COL25A1: variants seen among roughly 807,000 people sequenced by gnomAD.
COL25A1 encodes collagen type XXV alpha 1 chain.
In COL25A1, 103 loss-of-function variants were observed where a neutral mutation model predicts 128.4. The observed-to-expected ratio is 0.80, with a 90% CI of 0.68 to 0.94. COL25A1 has a LOEUF of 0.94. Ranked by LOEUF, COL25A1 falls within the 40% of genes least tolerant of loss-of-function variation. The pLI is 0.00. For missense variants in COL25A1, 745 were observed against 840.0 expected, an observed-to-expected ratio of 0.89 and a Z score of 1.40; for synonymous variants, 279 against 277.2, an observed-to-expected ratio of 1.01 and a Z score of -0.06.
chr4:109,274,782 T>C (rs1237001491), intron 3 of COL25A1, among the ~76,000 whole-genome samples: 1 of 152,182 alleles, frequency 6.6e-6, no homozygotes, highest in Non-Finnish European at 1.5e-5. Context: ...CAATGGATAT[T>C]TAATAGCCTG....
intron 25 of COL25A1, 142 bp from the exon 26 acceptor site, chr4:108,852,422 T>G (rs1297818053): frequency 3.1e-6 from 2 of 636,754 alleles, no homozygotes; most frequent in African/African-American, 2.0e-5. Context: ...AGGAAAAATT[T>G]TACTAGTTAC....
At chr4:108,928,249 C>T (rs1383174122) in intron 11 of COL25A1, among the ~76,000 whole-genome samples, 1 of 152,190 alleles carries the variant, frequency 6.6e-6, no homozygotes, top group East Asian at 1.9e-4. Context: ...CTGAGAAACA[C>T]TGGCTGCTAG....
chr4:109,187,599 C>G (rs373706114), intron 3 of COL25A1, among the ~76,000 whole-genome samples: 1 of 152,138 alleles, frequency 6.6e-6, no homozygotes, highest in African/African-American at 2.4e-5. Flanking sequence ...TTCATACTTA[C>G]GTAGCATATT....
chr4:109,217,917 G>T (rs1398331022), intron 3 of COL25A1, among the ~76,000 whole-genome samples: 1 of 152,082 alleles, frequency 6.6e-6, no homozygotes, highest in Admixed American at 6.6e-5. Context: ...TCGAAACCAA[G>T]GATACTAAAC....
chr4:109,300,150 A>G (rs1578674413), intron 3 of COL25A1, among the ~76,000 whole-genome samples: 1 of 150,578 alleles, frequency 6.6e-6, no homozygotes, highest in East Asian at 2.0e-4. Context: ...GTTTACTAAC[A>G]TAAACGTATG....
At chr4:108,972,209 T>C (rs1341375275) in intron 8 of COL25A1, among the ~76,000 whole-genome samples, 1 of 152,010 alleles carries the variant, frequency 6.6e-6, no homozygotes, top group Non-Finnish European at 1.5e-5. Flanking sequence ...AAACAAATGG[T>C]AAAAAGCGTA....
chr4:108,964,287 CT>C (rs1364860951), intron 8 of COL25A1, among the ~76,000 whole-genome samples: 1 of 151,412 alleles, frequency 6.6e-6, no homozygotes, highest in African/African-American at 2.4e-5. Flanking sequence ...TGGATTTTGG[CT>C]TTGGTTTTGA....
chr4:108,876,391 A>C (rs1739459215), intron 19 of COL25A1, among the ~76,000 whole-genome samples: 1 of 152,114 alleles, frequency 6.6e-6, no homozygotes, highest in South Asian at 2.1e-4. Flanking sequence ...CCTCCTTTCC[A>C]CATTACCGTA....
At position 109,292,293 on chromosome 4, in the gene COL25A1, G is replaced by C. The variant is rs188052403; in HGVS notation, c.367+8290C>G. Among the ~76,000 whole-genome samples, 6 of 152,148 alleles carry C rather than the reference G, an allele frequency of 3.9e-5. No homozygotes were observed. The East Asian group carries it at 1.2e-3, about 29-fold the overall frequency. On this transcript the variant is annotated intron_variant, in intron 3 of 37. Coordinates refer to ENST00000399132, the MANE Select transcript of COL25A1 (RefSeq NM_198721.4). ...TTTAAAAAAGGTTCAGCCTTTTAAAGAAATGTTATAAAATCCCTGTACTAA... is the reference window on the plus strand; with the variant it reads ...TTTAAAAAAGGTTCAGCCTTTTAAACAAATGTTATAAAATCCCTGTACTAA...
intron 3 of COL25A1, among the ~76,000 whole-genome samples, chr4:109,093,214 A>C (rs1323484614): frequency 1.3e-5 from 2 of 152,130 alleles, no homozygotes; most frequent in African/African-American, 4.8e-5. Flanking sequence ...CTAAAACTAA[A>C]AATCACATTA....
chr4:108,940,673 C>T, intron 9 of COL25A1, 27 bp from the exon 10 acceptor site: 1 of 1,442,550 alleles, frequency 6.9e-7, no homozygotes, highest in Non-Finnish European at 9.4e-7. Context: ...AACAGACCAG[C>T]AATAACCATG....
At chr4:108,954,632 ATTCT>A (rs1292678567) in intron 8 of COL25A1, among the ~76,000 whole-genome samples, 2 of 152,054 alleles carry the variant, frequency 1.3e-5, no homozygotes, top group East Asian at 1.9e-4. Flanking sequence ...AATAGGAACA[ATTCT>A]TTCTTTATTT....
At chr4:108,882,558 C>T (rs1182708469) in intron 19 of COL25A1, among the ~76,000 whole-genome samples, 4 of 152,086 alleles carry the variant, frequency 2.6e-5, no homozygotes, top group African/African-American at 9.7e-5. Context: ...TTATGATCTT[C>T]CCATTATTTG....
At chr4:109,296,314 CAGAGA>C (rs1724985169) in intron 3 of COL25A1, among the ~76,000 whole-genome samples, 1 of 151,830 alleles carries the variant, frequency 6.6e-6, no homozygotes, top group Admixed American at 6.6e-5. Flanking sequence ...TTATTTTCCC[CAGAGA>C]AAAGAAAAAT....
intron 3 of COL25A1, among the ~76,000 whole-genome samples, chr4:109,093,159 G>C (rs1765077324): frequency 6.6e-6 from 1 of 152,002 alleles, no homozygotes; most frequent in African/African-American, 2.4e-5. Flanking sequence ...AATGATAAAA[G>C]GGAACTATCA....
intron 11 of COL25A1, among the ~76,000 whole-genome samples, chr4:108,934,340 TG>T (rs1560889557): frequency 5.3e-5 from 1 of 18,770 alleles, no homozygotes; most frequent in African/African-American, 2.3e-4. Context: ...GTTGGGGGGA[TG>T]GGGGGCTGGG....
intron 5 of COL25A1, among the ~76,000 whole-genome samples, chr4:109,017,864 C>T (rs369898368): frequency 1.3e-3 from 191 of 152,254 alleles, no homozygotes; most frequent in African/African-American, 4.2e-3. Context: ...AACTCAGAAA[C>T]TCATCATTAA....
chr4:109,217,215 C>G (rs1191400759), intron 3 of COL25A1, among the ~76,000 whole-genome samples: 1 of 152,096 alleles, frequency 6.6e-6, no homozygotes, highest in East Asian at 1.9e-4. Flanking sequence ...TTTCAGATGG[C>G]AGATATGCAA....
chr4:109,233,579 T>A (rs1413058333), intron 3 of COL25A1, among the ~76,000 whole-genome samples: 1 of 152,172 alleles, frequency 6.6e-6, no homozygotes, highest in South Asian at 2.1e-4. Context: ...AAAACCCAGT[T>A]ATAAGCTATA....
Sources: gnomAD v4.1 joint callset for allele counts (sites outside exome capture counted in the v4.1 genomes callset) on GRCh38, gnomAD v4.1.1 for gene constraint, MANE v1.5 for transcripts, NCBI Gene and HGNC (gene_info 2026-07-23, HGNC 2026-07-21) for gene names.